Variants in ASIC2 observed in about 807,000 individuals in gnomAD.
ASIC2 encodes acid-sensing ion channel 2.
ASIC2 carries 25 observed loss-of-function variants against 57.3 expected under a neutral mutation model. The ratio of observed to expected loss-of-function variants is 0.44; its 90% CI spans 0.32 to 0.61. The LOEUF is 0.61. Among genes scored for constraint, ASIC2 ranks in the 20% least tolerant of loss-of-function variants. ASIC2 has a pLI of 0.06. For synonymous variants in ASIC2, 319 were observed against 307.5 expected (o/e 1.04, Z -0.39); for missense variants, 641 against 738.1 (o/e 0.87, Z 1.52).
intron 1 of ASIC2, among the ~76,000 whole-genome samples, chr17:33,712,684 C>A (rs1034175569): frequency 8.4e-6 from 1 of 119,406 alleles, no homozygotes; most frequent in Non-Finnish European, 1.6e-5. Flanking sequence ...CTTGCTCTGT[C>A]GCCCAGGCTG....
chr17:33,286,346 C>G (rs1406061177), intron 1 of ASIC2, among the ~76,000 whole-genome samples: 1 of 152,174 alleles, frequency 6.6e-6, no homozygotes, highest in Non-Finnish European at 1.5e-5. Context: ...GAGTTAGGAA[C>G]AGGGTGGCAG....
intron 1 of ASIC2, among the ~76,000 whole-genome samples, chr17:33,700,647 G>A (rs1412953211): frequency 1.3e-5 from 2 of 152,208 alleles, no homozygotes; most frequent in Non-Finnish European, 2.9e-5. Context: ...CTGGCACGTA[G>A]TAAGCAAGTA....
chr17:33,403,198 C>G (rs1291403491), intron 1 of ASIC2, among the ~76,000 whole-genome samples: 2 of 152,082 alleles, frequency 1.3e-5, no homozygotes, highest in Admixed American at 6.5e-5. Context: ...CCTGTGAGAG[C>G]CTTTGGTTAC....
At chr17:33,986,535 C>A (rs984926996) in intron 1 of ASIC2, among the ~76,000 whole-genome samples, 5 of 152,130 alleles carry the variant, frequency 3.3e-5, no homozygotes, top group Non-Finnish European at 7.3e-5. Flanking sequence ...CCCTGACAAT[C>A]CCAAAGTGAT....
At chr17:33,605,706 G>A (rs9896794) in intron 1 of ASIC2, among the ~76,000 whole-genome samples, 3,200 of 152,220 alleles carry the variant, frequency 0.021, 58 homozygotes, top group East Asian at 0.073. Flanking sequence ...AACACTGGCC[G>A]AGACCAGACT....
intron 1 of ASIC2, among the ~76,000 whole-genome samples, chr17:33,462,277 A>T (rs1912663077): frequency 6.6e-6 from 1 of 152,234 alleles, no homozygotes. Flanking sequence ...CCCAGTGACC[A>T]AAGATCCATT....
chr17:33,208,679 T>C (rs997476498), intron 1 of ASIC2, among the ~76,000 whole-genome samples: 1 of 151,794 alleles, frequency 6.6e-6, no homozygotes, highest in African/African-American at 2.4e-5. Context: ...TTATTATTAT[T>C]ATATTTATTA....
intron 1 of ASIC2, among the ~76,000 whole-genome samples, chr17:33,837,722 A>G (rs1357088820): frequency 6.6e-6 from 1 of 152,142 alleles, no homozygotes; most frequent in East Asian, 1.9e-4. Flanking sequence ...TTAACAACGA[A>G]AAACAAAAAA....
intron 1 of ASIC2, chr17:34,041,489 G>A (rs1908130332): frequency 6.6e-6 from 1 of 152,184 alleles, no homozygotes; most frequent in Non-Finnish European, 1.5e-5. Context: ...CATCAAACTT[G>A]TTATAAACTC....
chr17:33,355,012 T>C (rs369218094), intron 1 of ASIC2, among the ~76,000 whole-genome samples: 2 of 152,286 alleles, frequency 1.3e-5, no homozygotes, highest in South Asian at 2.1e-4. Context: ...TTAATCTTGG[T>C]TGGAAACAGC....
chr17:33,850,435 T>A (rs910508247), intron 1 of ASIC2, among the ~76,000 whole-genome samples: 2 of 152,262 alleles, frequency 1.3e-5, no homozygotes, highest in African/African-American at 4.8e-5. Context: ...TGTTTAGTTC[T>A]TCTCGCATAA....
intron 1 of ASIC2, among the ~76,000 whole-genome samples, chr17:33,993,131 C>A (rs1201490536): frequency 1.3e-5 from 2 of 152,174 alleles, no homozygotes; most frequent in Admixed American, 1.3e-4. Flanking sequence ...TAACACCCAG[C>A]CTCAGTGCTC....
At chr17:33,043,422 A>G (rs1220539115) in intron 3 of ASIC2, among the ~76,000 whole-genome samples, 1 of 152,256 alleles carries the variant, frequency 6.6e-6, no homozygotes, top group East Asian at 1.9e-4. Context: ...ATGTAGGTTC[A>G]GAATAGATAA....
rs144024609 is a variant in ASIC2, at chr17:33,476,828, C to T, written c.556-364761G>A. On this transcript the variant is annotated intron_variant, in intron 1 of 9. Coordinates refer to the ASIC2 transcript ENST00000359872. ...TAAGAGATGCGACCTCTCATGCCACCCAGAAGCCTTTCCAGTCAGTCTCGT... is the reference window on the plus strand; with the variant it reads ...TAAGAGATGCGACCTCTCATGCCACTCAGAAGCCTTTCCAGTCAGTCTCGT... 6.7e-3 allele frequency among the ~76,000 whole-genome samples: 1,014 copies of T among 152,140 alleles called. 11 individuals carry two copies. The highest frequency in any genetic ancestry group is 0.01 in the Non-Finnish European group (710 of 67,990).
At chr17:34,147,869 A>G (rs149327234) in intron 1 of ASIC2, among the ~76,000 whole-genome samples, 46 of 152,354 alleles carry the variant, frequency 3.0e-4, no homozygotes, top group Admixed American at 1.5e-3. Context: ...GCACTTTGAC[A>G]TATGGGCTGC....
At chr17:33,743,048 C>G (rs1319864206) in intron 1 of ASIC2, among the ~76,000 whole-genome samples, 3 of 152,232 alleles carry the variant, frequency 2.0e-5, no homozygotes, top group African/African-American at 7.2e-5. Flanking sequence ...TACCCTTTAT[C>G]TTCCTAATGG....
At chr17:33,801,278 C>T (rs1912126272) in intron 1 of ASIC2, among the ~76,000 whole-genome samples, 1 of 152,172 alleles carries the variant, frequency 6.6e-6, no homozygotes, top group Admixed American at 6.5e-5. Context: ...AGTGAGAAAA[C>T]ATCAGACATT....
intron 3 of ASIC2, among the ~76,000 whole-genome samples, chr17:33,073,912 A>G (rs1485238546): frequency 6.6e-6 from 1 of 152,196 alleles, no homozygotes; most frequent in Non-Finnish European, 1.5e-5. Flanking sequence ...ACAGAGGGAC[A>G]GAAGAGGGAG....
chr17:33,502,735 C>T (rs1332705465), intron 1 of ASIC2, among the ~76,000 whole-genome samples: 1 of 152,166 alleles, frequency 6.6e-6, no homozygotes, highest in East Asian at 1.9e-4. Flanking sequence ...GTCCCAGTGT[C>T]CGCATCCTTA....
Sources: gnomAD v4.1 joint callset for allele counts (sites outside exome capture counted in the v4.1 genomes callset) on GRCh38, gnomAD v4.1.1 for gene constraint, MANE v1.5 for transcripts, NCBI Gene and HGNC (gene_info 2026-07-23, HGNC 2026-07-21) for gene names.